Variants in RNF6 observed in about 807,000 individuals in gnomAD.
RNF6 encodes the protein E3 ubiquitin-protein ligase RNF6.
A neutral mutation model predicts 50.1 loss-of-function variants in RNF6; 21 were observed. That is an observed-to-expected ratio of 0.42 (90% CI 0.30 to 0.60). RNF6 has a LOEUF of 0.60. Ranked by LOEUF, RNF6 falls within the 20% of genes least tolerant of loss-of-function variation. The probability of loss-of-function intolerance (pLI) is 0.20; values close to 1 mark genes in which losing one functional copy is unlikely to be tolerated. For synonymous variants in RNF6, 255 were observed against 291.8 expected (o/e 0.87, Z 1.29); for missense variants, 698 against 838.2 (o/e 0.83, Z 2.07).
chr13:26,155,199 T>A (rs896678587), intron 5 of RNF6, among the ~76,000 whole-genome samples: 1 of 151,622 alleles, frequency 6.6e-6, no homozygotes, highest in Admixed American at 6.6e-5. Flanking sequence ...ACCCCAGGAG[T>A]TGAAGGCTGC....
rs754707602 is a variant in RNF6, at chr13:26,214,542, C to T, written c.1340G>A (p.Arg447His). 1.4e-5 allele frequency: 23 copies of T among 1,614,006 alleles called. No homozygotes were observed. The highest frequency in any genetic ancestry group is 1.6e-4 in the Middle Eastern group (1 of 6,084). Residue 447 changes from arginine (R) to histidine (H), a missense_variant, in exon 5 of 5, where the codon CGT (arginine) becomes CAT (histidine). Arg to His is a conservative substitution (Grantham distance 29, BLOSUM62 0). Coordinates refer to ENST00000381588, the MANE Select transcript of RNF6 (RefSeq NM_005977.4). ...GGTTCGAATACCTGACCGCTCTAAA[C>T]GAGAAATGGTTCGGCGAAAGCCCCC... The part of the protein sequence containing the change: ...NSGGFRRTIS[R>H]LERSGIRTYV...
chr13:26,159,695 C>G (rs778910275), intron 5 of RNF6, among the ~76,000 whole-genome samples: 1 of 152,008 alleles, frequency 6.6e-6, no homozygotes, highest in Non-Finnish European at 1.5e-5. Context: ...GGCTAAGTAT[C>G]TGAAAAATAT....
At chr13:26,151,250 C>T (rs1357387676) in intron 5 of RNF6, among the ~76,000 whole-genome samples, 1 of 151,990 alleles carries the variant, frequency 6.6e-6, no homozygotes, top group Non-Finnish European at 1.5e-5. Flanking sequence ...ACAGTTAAAT[C>T]CAGATGGTCT....
intron 5 of RNF6, chr13:26,149,182 A>G (rs1274514377): frequency 6.6e-6 from 1 of 152,166 alleles, no homozygotes; most frequent in Admixed American, 6.5e-5. Context: ...GTGTTTTTTA[A>G]CTATTTTGTC....
At chr13:26,186,359 A>G (rs1049482398) in intron 5 of RNF6, among the ~76,000 whole-genome samples, 1 of 152,218 alleles carries the variant, frequency 6.6e-6, no homozygotes, top group East Asian at 1.9e-4. Context: ...CGTGTGTAAG[A>G]CCGCGTTTCT....
intron 5 of RNF6, among the ~76,000 whole-genome samples, chr13:26,177,802 T>C (rs527437380): frequency 9.2e-5 from 14 of 152,242 alleles, no homozygotes; most frequent in Non-Finnish European, 2.1e-4. Context: ...TCAGCTGCAT[T>C]GGTGCAAGAG....
chr13:26,150,755 T>C (rs770977678), intron 5 of RNF6: 5 of 152,232 alleles, frequency 3.3e-5, no homozygotes, highest in East Asian at 1.9e-4. Flanking sequence ...ATAATACTTT[T>C]ATGTACAAGG....
Position 26,219,505 on chromosome 13 carries a change from C to T in RNF6, c.145G>A (p.Asp49Asn). The T allele has an allele frequency of 6.2e-7, 1 of 1,613,928 alleles. No individual in the cohort carries two copies. The highest frequency in any genetic ancestry group is 8.5e-7 in the Non-Finnish European group (1 of 1,179,894). The change falls in exon 3 of 5, where the codon GAT becomes AAT. Residue 49 changes from aspartate to asparagine, a missense_variant. Transcript: ENST00000381588. ...TCTCTCATAAGCCGATAATCTTCAT[C>T]ATTGAGTTCATTAATAAACTGATAA... is the stretch of plus-strand genomic sequence containing the variant. ...AYYQFINELN[D>N]EDYRLMRDHN...
At chr13:26,196,231 T>C (rs1033624340) in intron 5 of RNF6, among the ~76,000 whole-genome samples, 1 of 152,038 alleles carries the variant, frequency 6.6e-6, no homozygotes, top group African/African-American at 2.4e-5. Context: ...CTGCTTCTCA[T>C]CACAAACAAT....
chr13:26,164,480 T>C (rs1872354678), intron 5 of RNF6, among the ~76,000 whole-genome samples: 2 of 152,220 alleles, frequency 1.3e-5, no homozygotes, highest in African/African-American at 4.8e-5. Context: ...TGAGACTTTT[T>C]AATATAGTAT....
intron 5 of RNF6, among the ~76,000 whole-genome samples, chr13:26,158,714 T>C (rs1036806688): frequency 2.6e-4 from 40 of 152,134 alleles, no homozygotes; most frequent in African/African-American, 9.4e-4. Flanking sequence ...TAGGTGAATG[T>C]CTGTGTGTGG....
chr13:26,197,409 A>C (rs1566430194), intron 5 of RNF6, among the ~76,000 whole-genome samples: 1 of 151,978 alleles, frequency 6.6e-6, no homozygotes, highest in Non-Finnish European at 1.5e-5. Flanking sequence ...TTTGAAATGT[A>C]ATCATTAGAA....
At chr13:26,187,690 G>C (rs1464257553) in intron 5 of RNF6, among the ~76,000 whole-genome samples, 1 of 152,174 alleles carries the variant, frequency 6.6e-6, no homozygotes, top group Non-Finnish European at 1.5e-5. Flanking sequence ...GACTCCAGAG[G>C]CTGGAGTTTA....
At chr13:26,162,181 C>T (rs1197562114) in intron 5 of RNF6, among the ~76,000 whole-genome samples, 6 of 152,124 alleles carry the variant, frequency 3.9e-5, no homozygotes. Context: ...CACACCTCCT[C>T]TATCTGGCTT....
chr13:26,181,234 G>A (rs1873225578), intron 5 of RNF6, among the ~76,000 whole-genome samples: 1 of 152,164 alleles, frequency 6.6e-6, no homozygotes, highest in South Asian at 2.1e-4. Flanking sequence ...CGGGGGCTCT[G>A]CCTGGGGTAC....
At chr13:26,156,667 C>T (rs1871939579) in intron 5 of RNF6, among the ~76,000 whole-genome samples, 1 of 152,030 alleles carries the variant, frequency 6.6e-6, no homozygotes, top group South Asian at 2.1e-4. Flanking sequence ...GTTTCTCTGA[C>T]CACAATGCAA....
chr13:26,170,311 C>T (rs1872637359), intron 5 of RNF6, among the ~76,000 whole-genome samples: 1 of 151,676 alleles, frequency 6.6e-6, no homozygotes, highest in African/African-American at 2.4e-5. Flanking sequence ...AAAGCAAAAT[C>T]CAGATTTAAT....
intron 5 of RNF6, among the ~76,000 whole-genome samples, chr13:26,198,510 A>G (rs1868766838): frequency 6.6e-6 from 1 of 151,928 alleles, no homozygotes; most frequent in African/African-American, 2.4e-5. Flanking sequence ...ATATAAACTA[A>G]CCATCACAGC....
chr13:26,166,979 G>A (rs1478560105), intron 5 of RNF6, among the ~76,000 whole-genome samples: 1 of 152,186 alleles, frequency 6.6e-6, no homozygotes, highest in East Asian at 1.9e-4. Flanking sequence ...TGGAACTTAA[G>A]TCAATTAAAC....
Sources: gnomAD v4.1 joint callset for allele counts (sites outside exome capture counted in the v4.1 genomes callset) on GRCh38, gnomAD v4.1.1 for gene constraint, MANE v1.5 for transcripts, NCBI Gene and HGNC (gene_info 2026-07-23, HGNC 2026-07-21) for gene names.